The following TBC1D22A variants were observed in gnomAD, a reference collection of about 807,000 sequenced individuals.
The protein encoded by TBC1D22A is putative GTPase activator.
A neutral mutation model predicts 60.2 loss-of-function variants in TBC1D22A; 38 were observed. The ratio of observed to expected loss-of-function variants is 0.63; its 90% confidence interval spans 0.49 to 0.83. TBC1D22A has a LOEUF of 0.83. Among genes scored for constraint, TBC1D22A ranks in the 40% least tolerant of loss-of-function variants. TBC1D22A has a pLI of 0.00. For synonymous variants in TBC1D22A, 302 were observed against 281.7 expected (o/e 1.07, Z -0.72); for missense variants, 628 against 701.0 (o/e 0.90, Z 1.18).
At chr22:46,923,788 A>C (rs2070893140) in intron 8 of TBC1D22A, among the ~76,000 whole-genome samples, 1 of 152,142 alleles carries the variant, frequency 6.6e-6, no homozygotes. Flanking sequence ...TTTTTCCCAC[A>C]TTTAACCTTA....
chr22:46,959,581 T>A (rs1436867054), intron 8 of TBC1D22A, among the ~76,000 whole-genome samples: 1 of 151,996 alleles, frequency 6.6e-6, no homozygotes, highest in Non-Finnish European at 1.5e-5. Flanking sequence ...GAGGGAAAGG[T>A]CCATTTCCTG....
chr22:46,780,372 T>G (rs200762650), intron 1 of TBC1D22A, among the ~76,000 whole-genome samples: 2 of 152,226 alleles, frequency 1.3e-5, no homozygotes, highest in Non-Finnish European at 2.9e-5. Flanking sequence ...TTCCATACTT[T>G]TATTTTCTTT....
intron 8 of TBC1D22A, among the ~76,000 whole-genome samples, chr22:46,959,843 G>T (rs9616179): frequency 6.6e-6 from 1 of 152,134 alleles, no homozygotes; most frequent in East Asian, 1.9e-4. Flanking sequence ...CCTGCCATCG[G>T]CATTTGCTTT....
At chr22:46,812,352 A>G (rs889017459) in intron 4 of TBC1D22A, among the ~76,000 whole-genome samples, 2 of 152,166 alleles carry the variant, frequency 1.3e-5, no homozygotes, top group African/African-American at 4.8e-5. Flanking sequence ...AGCAGGCACA[A>G]GGATAATGAG....
intron 5 of TBC1D22A, among the ~76,000 whole-genome samples, chr22:46,884,593 C>G (rs6007980): frequency 6.6e-6 from 1 of 152,212 alleles, no homozygotes; most frequent in African/African-American, 2.4e-5. Context: ...GGCAGCCAGT[C>G]AACACCCTGG....
intron 7 of TBC1D22A, among the ~76,000 whole-genome samples, chr22:46,904,192 C>T (rs1256014942): frequency 1.4e-5 from 2 of 142,036 alleles, no homozygotes; most frequent in Non-Finnish European, 1.5e-5. Context: ...AGAGCAAAAG[C>T]TTAGAACTGG....
At chr22:47,097,709 A>C (rs2065239927) in intron 11 of TBC1D22A, among the ~76,000 whole-genome samples, 1 of 152,182 alleles carries the variant, frequency 6.6e-6, no homozygotes, top group Non-Finnish European at 1.5e-5. Flanking sequence ...TTGTGTGTGA[A>C]CCTGGTATAT....
At chr22:46,919,806 A>G (rs2070632385) in intron 8 of TBC1D22A, among the ~76,000 whole-genome samples, 1 of 150,682 alleles carries the variant, frequency 6.6e-6, no homozygotes, top group South Asian at 2.1e-4. Flanking sequence ...TTACTCTCAA[A>G]CTGTGATAAA....
chr22:46,965,792 C>T lies in TBC1D22A; in HGVS notation c.1016-8498C>T, dbSNP rs561432927. On this transcript the variant is annotated intron_variant, in intron 8 of 12. Transcript: ENST00000337137. Reference sequence around the variant, plus strand: ...CGTGATGGTGCAGTCATTGGTTCTCCGGCAGTGTGTTTGCTACCTGGAGGG... The same window carrying T: ...CGTGATGGTGCAGTCATTGGTTCTCTGGCAGTGTGTTTGCTACCTGGAGGG... Among the ~76,000 whole-genome samples, 14 of 152,332 alleles carry T rather than the reference C, an allele frequency of 9.2e-5. No homozygotes were observed. In the East Asian group the frequency reaches 1.2e-3, roughly 13 times the overall value.
chr22:47,161,285 CG>C (rs1375304943), intron 12 of TBC1D22A, among the ~76,000 whole-genome samples: 1 of 152,184 alleles, frequency 6.6e-6, no homozygotes, highest in Non-Finnish European at 1.5e-5. Context: ...CCCAGGCTGG[CG>C]ACTGTCGGGG....
chr22:47,019,302 G>T (rs1569344274), intron 10 of TBC1D22A, among the ~76,000 whole-genome samples: 1 of 152,224 alleles, frequency 6.6e-6, no homozygotes, highest in South Asian at 2.1e-4. Flanking sequence ...TCACACTTCA[G>T]CAAGCATCTG....
chr22:46,790,504 A>T (rs142486432), intron 1 of TBC1D22A, among the ~76,000 whole-genome samples: 2 of 152,126 alleles, frequency 1.3e-5, no homozygotes, highest in African/African-American at 2.4e-5. Flanking sequence ...TCTGCTGACC[A>T]CACCACCAGA....
rs190398614 is a variant in TBC1D22A at position 46,965,100 on chromosome 22, A to G, written c.1016-9190A>G. ...CCAAAGTCACCTTGCTGGAGCGGTC[A>G]GTGAACGCTGGATTGTCAGAGCAGC... On this transcript the variant is annotated intron_variant, in intron 8 of 12. Coordinates refer to ENST00000337137, the MANE Select transcript of TBC1D22A (RefSeq NM_014346.5). Among the ~76,000 whole-genome samples, 74 of 152,376 alleles carry G rather than the reference A, an allele frequency of 4.9e-4. No homozygotes were observed. In the East Asian group the frequency reaches 9.8e-3, roughly 20 times the overall value.
At chr22:47,107,228 C>T (rs968146984) in intron 11 of TBC1D22A, among the ~76,000 whole-genome samples, 6 of 152,106 alleles carry the variant, frequency 3.9e-5, no homozygotes, top group African/African-American at 1.4e-4. Context: ...GTAGATTAGT[C>T]CACATGTAGG....
chr22:47,037,304 A>C, intron 11 of TBC1D22A, 106 bp downstream of exon 11: 6 of 1,483,256 alleles, frequency 4.0e-6, no homozygotes, highest in Non-Finnish European at 5.5e-6. Flanking sequence ...TTTTCTTCCA[A>C]GCGCTCTCTC....
chr22:46,980,733 C>A (rs555701954), intron 9 of TBC1D22A, among the ~76,000 whole-genome samples: 1 of 152,270 alleles, frequency 6.6e-6, no homozygotes, highest in African/African-American at 2.4e-5. Context: ...ATTTGTAAAG[C>A]TGTGGCTGGG....
At chr22:47,134,549 A>C (rs1014028783) in intron 12 of TBC1D22A, among the ~76,000 whole-genome samples, 1 of 152,232 alleles carries the variant, frequency 6.6e-6, no homozygotes, top group African/African-American at 2.4e-5. Context: ...TTTTGTGTGC[A>C]GCTAGGGCTG....
chr22:46,919,395 C>G lies in TBC1D22A; in HGVS notation c.1015+7207C>G, dbSNP rs924503037. On this transcript the variant is annotated intron_variant, in intron 8 of 12. Coordinates refer to ENST00000337137, the MANE Select transcript of TBC1D22A (RefSeq NM_014346.5). Reference sequence around the variant, plus strand: ...TACGGACGCAGCACGTTGTGTTTCTCCACTCATCTGTTGGTGAACATTTGG... The same window carrying G: ...TACGGACGCAGCACGTTGTGTTTCTGCACTCATCTGTTGGTGAACATTTGG... 2.0e-5 allele frequency among the ~76,000 whole-genome samples: 3 copies of G among 152,320 alleles called. No individual in the cohort carries two copies. The South Asian group carries it at 6.2e-4, about 32-fold the overall frequency.
At chr22:46,944,343 T>G (rs1014185618) in intron 8 of TBC1D22A, among the ~76,000 whole-genome samples, 3 of 152,260 alleles carry the variant, frequency 2.0e-5, no homozygotes, top group African/African-American at 7.2e-5. Context: ...TGATACTGAT[T>G]GGATTCACTT....
Sources: gnomAD v4.1 joint callset for allele counts (sites outside exome capture counted in the v4.1 genomes callset) on GRCh38, gnomAD v4.1.1 for gene constraint, MANE v1.5 for transcripts, NCBI Gene and HGNC (gene_info 2026-07-23, HGNC 2026-07-21) for gene names.